MYH2: variants seen among roughly 807,000 people sequenced by gnomAD.
MYH2 encodes the protein myosin heavy chain 2.
In MYH2, 139 loss-of-function variants were observed where a neutral mutation model predicts 228.1. The ratio of observed to expected loss-of-function variants is 0.61; its 90% CI spans 0.53 to 0.70. The LOEUF is 0.70. Among genes scored for constraint, MYH2 ranks in the 30% least tolerant of loss-of-function variants. The pLI, the probability that MYH2 is intolerant of heterozygous loss-of-function variation, is 0.00. For synonymous variants in MYH2, 796 were observed against 871.1 expected, an observed-to-expected ratio of 0.91 and a Z score of 1.52; for missense variants, 1,809 against 2,357.5, an observed-to-expected ratio of 0.77 and a Z score of 4.82.
chr17:10,539,489 G>C lies in MYH2; in HGVS notation c.1221C>G (p.Val407=). 6.2e-7 allele frequency: 1 copy of C among 1,614,168 alleles called. No individual in the cohort carries two copies. The highest frequency in any genetic ancestry group is 8.5e-7 in the Non-Finnish European group (1 of 1,180,040). The stretch of plus-strand genomic sequence containing the variant: ...TGGTGACATACTCATTGCCGACCTT[G>C]ACCCTGGGGTAGCAGAGAGCTTTGA... The part of the protein sequence containing the change: ...DLLKALCYPR[V]KVGNEYVTKG... Residue 407 remains valine (V), a synonymous_variant, in exon 13 of 40, where the codon GTC becomes GTG. Transcript: ENST00000245503.
intron 4 of MYH2, 126 bp from the exon 5 acceptor site, chr17:10,545,628 T>G (rs2073619668): frequency 2.8e-5 from 36 of 1,290,284 alleles, no homozygotes; most frequent in South Asian, 3.9e-5. Flanking sequence ...GCAGTGGTGC[T>G]ACCTCAGCTC....
In MYH2 at chr17:10,525,211, A is replaced by G; in HGVS notation, c.4662+13T>C. 6.2e-7 allele frequency: 1 copy of G among 1,613,978 alleles called. No homozygotes were observed. Among genetic ancestry groups the G allele is most frequent in the Non-Finnish European group, 8.5e-7 (1 of 1,179,986 alleles). ...TTTCCAGATTTTTTTATAATGCACA[A>G]TTTTACATGTACCTCTGCTTCTTCT... is the stretch of plus-strand genomic sequence containing the variant. On this transcript the variant is annotated intron_variant, in intron 33 of 39. Transcript: ENST00000245503. The surrounding 1 kb of genome is among the most constrained non-coding windows in gnomAD (Gnocchi z 4.2).
chr17:10,541,403 T>C (rs1178993648), intron 10 of MYH2, among the ~76,000 whole-genome samples: 2 of 152,186 alleles, frequency 1.3e-5, no homozygotes, highest in Non-Finnish European at 2.9e-5. Context: ...CCTGGTCTCC[T>C]TTAGCGCTCC....
chr17:10,527,868 G>T lies in MYH2; in HGVS notation c.3751C>A (p.Leu1251Ile). The T allele has an allele frequency of 6.2e-7, 1 of 1,613,170 alleles. No homozygotes were observed. Among genetic ancestry groups the T allele is most frequent in the Admixed American group, 1.7e-5 (1 of 60,002 alleles). ...TCTAGAGTCCGGCACATTTTCTCTA[G>T]GTTTCCCTATAGAAGAAAAAGTAAA... is the stretch of plus-strand genomic sequence containing the variant. ...VETVSKAKGN[L>I]EKMCRTLEDQ... The change falls in exon 28 of 40, where the codon CTA (leucine) becomes ATA (isoleucine). Residue 1251 changes from leucine (L) to isoleucine (I), a missense_variant. Physicochemically the swap from Leu to Ile is conservative, Grantham distance 5. Transcript: ENST00000245503.
At position 10,537,893 on chromosome 17, in the gene MYH2, C is replaced by T. The variant is rs2073502420; in HGVS notation, c.1417-58G>A. 12 of 1,613,352 alleles carry T rather than the reference C, an allele frequency of 7.4e-6. No homozygotes were observed. The South Asian group carries it at 1.3e-4, about 18-fold the overall frequency. On this transcript the variant is annotated intron_variant, in intron 14 of 39. Transcript: ENST00000245503. This position sits in a 1 kb window ranked among gnomAD's most constrained non-coding sequence, Gnocchi z 4.0. ...AGCAAATTGAGTATTTTTTAAAATA[C>T]AGAACTTTTCCATTTTAAAAATATG...
intron 27 of MYH2, 123 bp from the exon 28 acceptor site, chr17:10,527,997 A>G (rs1230261196): frequency 4.1e-6 from 5 of 1,221,116 alleles, no homozygotes; most frequent in African/African-American, 3.1e-5. Context: ...ATAGAAAAGA[A>G]ACCAAATTAT....
At position 10,523,372 on chromosome 17, in the gene MYH2, C is replaced by A; in HGVS notation, c.5513G>T (p.Arg1838Leu). 1.9e-6 allele frequency: 3 copies of A among 1,614,198 alleles called. No individual in the cohort carries two copies. Among genetic ancestry groups the A allele is most frequent in the Non-Finnish European group, 2.5e-6 (3 of 1,180,036 alleles). ...LEGEVESEQK[R>L]NAEAVKGLRK... Reference sequence around the variant, plus strand: ...CAGACCTTTGACAGCCTCAGCATTACGCTTTTGCTCACTCTCAACCTCTCC... The same window carrying A: ...CAGACCTTTGACAGCCTCAGCATTAAGCTTTTGCTCACTCTCAACCTCTCC... The change falls in exon 38 of 40, where the codon CGT (arginine) becomes CTT (leucine). Residue 1838 changes from arginine (R) to leucine (L), a missense_variant. Arg to Leu is a moderately radical substitution (Grantham distance 102). Coordinates refer to ENST00000245503, the MANE Select transcript of MYH2 (RefSeq NM_017534.6).
In MYH2 at chr17:10,533,514, T is replaced by G; in HGVS notation, c.2299A>C (p.Thr767Pro). The change falls in exon 20 of 40, where the codon ACC becomes CCC. Residue 767 changes from threonine to proline, a missense_variant. Around this residue, in one of 9 missense-constraint regions of MYH2, gnomAD observed 276 missense variants for 344.2 expected, o/e 0.80. Coordinates refer to ENST00000245503, the MANE Select transcript of MYH2 (RefSeq NM_017534.6). ...TAGGATTTACAGAAAATTACCTTGG[T>G]GTGCCCAAATTTATACTGGGTGTGG... Reference protein sequence around the residue: ...IDHTQYKFGHTKVFFKAGLLG... With the variant: ...IDHTQYKFGHPKVFFKAGLLG... 6.2e-7 allele frequency: 1 copy of G among 1,614,200 alleles called. No homozygotes were observed. Among genetic ancestry groups the G allele is most frequent in the Non-Finnish European group, 8.5e-7 (1 of 1,180,032 alleles).
At chr17:10,531,549 AT>A in intron 22 of MYH2, 83 bp downstream of exon 22, 1 of 1,588,634 alleles carries the variant, frequency 6.3e-7, no homozygotes, top group South Asian at 1.1e-5. Context: ...CTCCCTTGCA[AT>A]TACCCAACTC....
rs373906888 is a variant in MYH2, at chr17:10,537,184, C to T, written c.1897+49G>A. 98 of 1,610,760 alleles carry T rather than the reference C, an allele frequency of 6.1e-5. No homozygotes were observed. The highest frequency in any genetic ancestry group is 7.4e-5 in the Non-Finnish European group (87 of 1,177,452). ...TAAGAGATCACTAGCTTCAATTTAACATCACATTTTGTAATACCTAGAGAG... is the reference window on the plus strand; with the variant it reads ...TAAGAGATCACTAGCTTCAATTTAATATCACATTTTGTAATACCTAGAGAG... On this transcript the variant is annotated intron_variant, in intron 16 of 39. Transcript: ENST00000245503. The surrounding 1 kb of genome is among the most constrained non-coding windows in gnomAD (Gnocchi z 4.0).
chr17:10,542,181 G>A (rs2073565024), intron 10 of MYH2, among the ~76,000 whole-genome samples: 2 of 152,142 alleles, frequency 1.3e-5, no homozygotes, highest in African/African-American at 4.8e-5. Flanking sequence ...GCTGGGGCAG[G>A]GAGAATCGCT....
chr17:10,529,667 A>G lies in MYH2; in HGVS notation c.3014T>C (p.Leu1005Pro). 1.2e-6 allele frequency: 2 copies of G among 1,614,014 alleles called. No homozygotes were observed. Among genetic ancestry groups the G allele is most frequent in the Non-Finnish European group, 1.7e-6 (2 of 1,180,024 alleles). The change falls in exon 24 of 40, where the codon CTC becomes CCC. Residue 1005 changes from leucine to proline, a missense_variant. Coordinates refer to ENST00000245503, the MANE Select transcript of MYH2 (RefSeq NM_017534.6). ...IAKLTKEKKALQEAHQQTLDD... is the reference protein window; with the variant it reads ...IAKLTKEKKAPQEAHQQTLDD... Reference sequence around the variant, plus strand: ...CAGGGTCTGCTGGTGGGCCTCCTGGAGAGCCTTCTTCTCCTTGGTCAGCTT... The same window carrying G: ...CAGGGTCTGCTGGTGGGCCTCCTGGGGAGCCTTCTTCTCCTTGGTCAGCTT...
intron 4 of MYH2, among the ~76,000 whole-genome samples, chr17:10,546,036 T>A (rs553486217): frequency 2.2e-4 from 34 of 152,028 alleles, no homozygotes; most frequent in African/African-American, 7.7e-4. Context: ...GGAAATGGTT[T>A]ATATTTTCTT....
chr17:10,531,097 G>A (rs930232400), intron 22 of MYH2, among the ~76,000 whole-genome samples: 1 of 152,236 alleles, frequency 6.6e-6, no homozygotes, highest in African/African-American at 2.4e-5. Context: ...ATGCAGCAAT[G>A]TGGGTGTGAC....
intron 12 of MYH2, 35 bp from the exon 13 acceptor site, chr17:10,539,597 G>T: frequency 6.4e-7 from 1 of 1,574,550 alleles, no homozygotes; most frequent in Non-Finnish European, 8.7e-7. Flanking sequence ...ATGTTATTGT[G>T]GCCCAAAGAA....
Position 10,540,608 on chromosome 17 carries a change from G to C in MYH2, c.994C>G (p.Leu332Val), listed in dbSNP as rs907817512. ...GTTCTACTTACATCTGTGGCCATCA[G>C]TTCTTCCTGATCATCGATGCTGGCC... ...SVASIDDQEELMATDSAIDIL... is the reference protein window; with the variant it reads ...SVASIDDQEEVMATDSAIDIL... The change falls in exon 11 of 40, where the codon CTG (leucine) becomes GTG (valine). Residue 332 changes from leucine to valine, a missense_variant. By Grantham distance (32) the Leu-to-Val change is conservative. Around this residue, in one of 9 missense-constraint regions of MYH2, gnomAD observed 373 missense variants for 620.4 expected, o/e 0.60. Coordinates refer to ENST00000245503, the MANE Select transcript of MYH2 (RefSeq NM_017534.6). The C allele has an allele frequency of 6.2e-7, 1 of 1,611,366 alleles. No homozygotes were observed. Among genetic ancestry groups the C allele is most frequent in the Non-Finnish European group, 8.5e-7 (1 of 1,177,510 alleles).
Position 10,537,169 on chromosome 17 carries a change from C to A in MYH2, c.1897+64G>T. The A allele has an allele frequency of 1.9e-6, 3 of 1,605,648 alleles. No homozygotes were observed. Among genetic ancestry groups the A allele is most frequent in the Non-Finnish European group, 2.6e-6 (3 of 1,173,682 alleles). ...CCCTTCTGCCAGACCTAAGAGATCACTAGCTTCAATTTAACATCACATTTT... is the reference window on the plus strand; with the variant it reads ...CCCTTCTGCCAGACCTAAGAGATCAATAGCTTCAATTTAACATCACATTTT... On this transcript the variant is annotated intron_variant, in intron 16 of 39. Transcript: ENST00000245503. This position sits in a 1 kb window ranked among gnomAD's most constrained non-coding sequence, Gnocchi z 4.0.
Position 10,525,451 on chromosome 17 carries a change from G to A in MYH2, c.4537C>T (p.Gln1513Ter), listed in dbSNP as rs929311433. 14 of 1,613,816 alleles carry A rather than the reference G, an allele frequency of 8.7e-6. No individual in the cohort carries two copies. The highest frequency in any genetic ancestry group is 1.3e-5 in the African/African-American group (1 of 74,904). Reference sequence around the variant, plus strand: ...ATTATTGAATATGATAGGGACTTACGCTGTAAGTTTTTGTTCTCTCGCTTC... The same window carrying A: ...ATTATTGAATATGATAGGGACTTACACTGTAAGTTTTTGTTCTCTCGCTTC... ...TLKRENKNLQ[Q>*]EISDLTEQIA... Residue 1513 changes from glutamine to a stop codon, truncating the protein, a stop_gained and splice_region_variant, in exon 32 of 40, where the codon CAG becomes TAG. Transcript: ENST00000245503. LOFTEE classifies it high-confidence loss of function. This position sits in a 1 kb window ranked among gnomAD's most constrained non-coding sequence, Gnocchi z 4.2.
chr17:10,538,867 A>T (rs1271868745), intron 14 of MYH2, among the ~76,000 whole-genome samples: 1 of 152,176 alleles, frequency 6.6e-6, no homozygotes, highest in African/African-American at 2.4e-5. Context: ...TGAGTCTTAA[A>T]AGCTAATTGC....
Sources: gnomAD v4.1 joint callset for allele counts (sites outside exome capture counted in the v4.1 genomes callset) on GRCh38, gnomAD v4.1.1 for gene constraint, gnomAD v4.1.1 regional missense constraint, Gnocchi (gnomAD v3.1) non-coding constraint, MANE v1.5 for transcripts, NCBI Gene and HGNC (gene_info 2026-07-23, HGNC 2026-07-21) for gene names.